PLXNA4: variants seen among roughly 807,000 people sequenced by gnomAD.
PLXNA4 encodes plexin A4.
In PLXNA4, 44 loss-of-function variants were observed where a neutral mutation model predicts 191.8. The observed-to-expected ratio is 0.23, with a 90% CI of 0.18 to 0.29. The LOEUF (loss-of-function observed/expected upper bound fraction) is 0.29. PLXNA4 is among the 10% of genes least tolerant of loss of function. PLXNA4 has a pLI of 1.00. For missense variants in PLXNA4, 1,800 were observed against 2,488.8 expected (o/e 0.72, Z 5.89); for synonymous variants, 1,082 against 1,009.5 (o/e 1.07, Z -1.36).
chr7:132,371,979 C>A (rs900609384), intron 3 of PLXNA4, among the ~76,000 whole-genome samples: 1 of 152,172 alleles, frequency 6.6e-6, no homozygotes, highest in African/African-American at 2.4e-5. Context: ...ATTATCTGTG[C>A]CACTACTCTG....
At chr7:132,297,744 G>A (rs1184884332) in intron 4 of PLXNA4, among the ~76,000 whole-genome samples, 1 of 152,168 alleles carries the variant, frequency 6.6e-6, no homozygotes, top group Non-Finnish European at 1.5e-5. Flanking sequence ...ACTTTGGTAT[G>A]AGGTAGCATT....
At chr7:132,188,830 G>C (rs1046275582) in intron 14 of PLXNA4, among the ~76,000 whole-genome samples, 2 of 151,532 alleles carry the variant, frequency 1.3e-5, no homozygotes, top group Non-Finnish European at 2.9e-5. Context: ...CAAAATCAGG[G>C]GGCTGAGCCA....
chr7:132,493,171 A>C (rs1023798367), intron 2 of PLXNA4, among the ~76,000 whole-genome samples: 4 of 152,160 alleles, frequency 2.6e-5, no homozygotes, highest in African/African-American at 9.7e-5. Context: ...TGATGGGGGA[A>C]GAGAATGTTT....
At chr7:132,203,517 G>A in intron 10 of PLXNA4, 98 bp from the exon 11 acceptor site, 2 of 1,053,612 alleles carry the variant, frequency 1.9e-6, no homozygotes, top group South Asian at 1.4e-5. Flanking sequence ...AGAGCTCACA[G>A]GCTAAAGACT....
chr7:132,202,969 A>G (rs1797490664), intron 11 of PLXNA4, 133 bp from the exon 12 acceptor site: 1 of 939,260 alleles, frequency 1.1e-6, no homozygotes. Context: ...CCCCTTAGCC[A>G]TTCTGATGCA....
intron 1 of PLXNA4, among the ~76,000 whole-genome samples, chr7:132,552,981 A>T (rs1800626944): frequency 6.6e-6 from 1 of 152,174 alleles, no homozygotes. Flanking sequence ...GTTAGCAGTT[A>T]GAATGCTTGG....
intron 9 of PLXNA4, among the ~76,000 whole-genome samples, chr7:132,219,577 G>C (rs542810276): frequency 6.6e-6 from 1 of 152,306 alleles, no homozygotes; most frequent in African/African-American, 2.4e-5. Flanking sequence ...TTATCGTGCT[G>C]TGAGTAAGCT....
At chr7:132,469,119 C>CAAAAAAAA (rs5887577) in intron 3 of PLXNA4, among the ~76,000 whole-genome samples, 2 of 87,420 alleles carry the variant, frequency 2.3e-5, no homozygotes, top group African/African-American at 4.3e-5. Flanking sequence ...GCACACCAAC[C>CAAAAAAAA]AAAAAAAAAA....
At chr7:132,212,455 G>C (rs1797834318) in intron 9 of PLXNA4, among the ~76,000 whole-genome samples, 1 of 152,142 alleles carries the variant, frequency 6.6e-6, no homozygotes, top group Non-Finnish European at 1.5e-5. Flanking sequence ...GAGGGAGAAG[G>C]CTTGAACTAA....
rs377541765 is a variant in PLXNA4 at position 132,146,574 on chromosome 7, T to C, written c.4991A>G (p.Lys1664Arg). 3.8e-5 allele frequency: 62 copies of C among 1,614,066 alleles called. No homozygotes were observed. Among genetic ancestry groups the C allele is most frequent in the Non-Finnish European group, 4.7e-5 (55 of 1,180,036 alleles). The change falls in exon 28 of 32, where the codon AAG (lysine) becomes AGG (arginine). Residue 1664 changes from lysine to arginine, a missense_variant. Around this residue, in one of 6 missense-constraint regions of PLXNA4, gnomAD observed 214 missense variants for 298.2 expected, o/e 0.72. Transcript: ENST00000321063. The part of the protein sequence containing the change: ...LVKNHEHGDQ[K>R]EGDRGSKMVS... ...CATCTTGCTCCCCCGGTCCCCCTCC[T>C]TCTGGTCTCCGTGCTCGTGGTTCTT...
In PLXNA4 at chr7:132,507,550, C is replaced by T. The variant is rs1336444744; in HGVS notation, c.1144G>A (p.Asp382Asn). The change falls in exon 2 of 32, where the codon GAC becomes AAC. Residue 382 changes from aspartate to asparagine, a missense_variant. Transcript: ENST00000321063. ...TCCTTCACCTTGAGCCAGGCCAGGT[C>T]CAGCGTGCCCTCGCCCCGGTAACAA... ...QSCYRGEGTL[D>N]LAWLKVKDIP... is the part of the protein sequence containing the mutation. 2.5e-6 allele frequency: 4 copies of T among 1,613,716 alleles called. No individual in the cohort carries two copies. Among genetic ancestry groups the T allele is most frequent in the Non-Finnish European group, 2.5e-6 (3 of 1,179,968 alleles).
At chr7:132,170,911 A>G (rs1796265897) in intron 21 of PLXNA4, among the ~76,000 whole-genome samples, 2 of 152,244 alleles carry the variant, frequency 1.3e-5, no homozygotes. Context: ...AGCTAGAGAT[A>G]AACAGGCTAC....
At chr7:132,382,401 A>G (rs1804934057) in intron 3 of PLXNA4, among the ~76,000 whole-genome samples, 1 of 152,090 alleles carries the variant, frequency 6.6e-6, no homozygotes. Flanking sequence ...GCTGTCATGC[A>G]GCCTACTGAA....
chr7:132,189,599 C>T (rs1797024764), intron 14 of PLXNA4, among the ~76,000 whole-genome samples: 1 of 152,160 alleles, frequency 6.6e-6, no homozygotes, highest in Admixed American at 6.5e-5. Flanking sequence ...CAACATGCCC[C>T]AAGTCCTGGG....
At chr7:132,301,383 G>A (rs906946810) in intron 3 of PLXNA4, among the ~76,000 whole-genome samples, 1 of 152,152 alleles carries the variant, frequency 6.6e-6, no homozygotes, top group African/African-American at 2.4e-5. Context: ...GCCACTATGG[G>A]TCTGGGACAA....
intron 3 of PLXNA4, among the ~76,000 whole-genome samples, chr7:132,351,741 C>G (rs1057403972): frequency 6.6e-6 from 1 of 152,168 alleles, no homozygotes; most frequent in Non-Finnish European, 1.5e-5. Flanking sequence ...ATCCCAGAAC[C>G]ACACTTAGGT....
chr7:132,552,131 C>G (rs1800589142), intron 1 of PLXNA4, among the ~76,000 whole-genome samples: 1 of 152,120 alleles, frequency 6.6e-6, no homozygotes, highest in Non-Finnish European at 1.5e-5. Context: ...CCGCCTCCTT[C>G]CTTTGACAGG....
rs1453698618 is a variant in PLXNA4, at chr7:132,125,431, T to G, written c.*5048A>C. The stretch of plus-strand genomic sequence containing the variant: ...ATTTTTTTTTTTCAATGGGGGAGGC[T>G]CCTCCTGTCCTCTGAACCTCTCCTC... On this transcript the variant is annotated 3_prime_UTR_variant, in exon 32 of 32. Coordinates refer to ENST00000321063, the MANE Select transcript of PLXNA4 (RefSeq NM_020911.2). 6.6e-6 allele frequency: 1 copy of G among 151,682 alleles called. No individual in the cohort carries two copies. The highest frequency in any genetic ancestry group is 2.4e-5 in the African/African-American group (1 of 41,312). 9.4% of individuals were successfully genotyped at this position (151,682 alleles called of 1,614,324 possible).
chr7:132,635,291 GT>G (rs2116884152), intron 2 of PLXNA4, among the ~76,000 whole-genome samples: 1 of 151,640 alleles, frequency 6.6e-6, no homozygotes, highest in South Asian at 2.1e-4. Flanking sequence ...CCTCCTTGGG[GT>G]CAAAGGTCAT....
Sources: allele counts gnomAD v4.1 joint callset (sites outside exome capture counted in the v4.1 genomes callset), GRCh38; gene constraint gnomAD v4.1.1; regional missense constraint gnomAD v4.1.1; transcripts MANE v1.5; gene names NCBI Gene and HGNC (gene_info 2026-07-23, HGNC 2026-07-21).